The following CD163L1 variants were observed in gnomAD, a reference collection of about 807,000 sequenced individuals.
CD163L1 encodes scavenger receptor cysteine-rich type 1 protein M160.
A neutral mutation model predicts 165.4 loss-of-function variants in CD163L1; 124 were observed. That is an observed-to-expected ratio of 0.75 (90% CI 0.65 to 0.87). CD163L1 has a LOEUF of 0.87. Ranked by LOEUF, CD163L1 falls within the 40% of genes least tolerant of loss-of-function variation. The pLI, the probability that CD163L1 is intolerant of heterozygous loss-of-function variation, is 0.00. For missense variants in CD163L1, 1,525 were observed against 1,799.9 expected, an observed-to-expected ratio of 0.85 and a Z score of 2.76; for synonymous variants, 585 against 662.2, an observed-to-expected ratio of 0.88 and a Z score of 1.79.
At chr12:7,349,089 A>C (rs1342321805) in intron 4 of CD163L1, among the ~76,000 whole-genome samples, 1 of 152,210 alleles carries the variant, frequency 6.6e-6, no homozygotes, top group East Asian at 1.9e-4. Context: ...GAAATTGTGG[A>C]GAATTCAAGC....
rs145190922 is a variant in CD163L1, at chr12:7,403,690, C to A, written c.1253G>T (p.Gly418Val). 2.5e-6 allele frequency: 4 copies of A among 1,613,958 alleles called. No homozygotes were observed. The African/African-American group carries it at 5.3e-5, about 22-fold the overall frequency. Residue 418 changes from glycine to valine, a missense_variant, in exon 6 of 20, where the codon GGC (glycine) becomes GTC (valine). By Grantham distance (109) the Gly-to-Val change is moderately radical. Transcript: ENST00000313599. ...KQLGCPFSVFGSRRAKPSNEA... is the reference protein window; with the variant it reads ...KQLGCPFSVFVSRRAKPSNEA... ...ATTACTAGGTTTAGCACGACGACTGCCAAAGACGCTGAACGGACATCCTAG... is the reference window on the plus strand; with the variant it reads ...ATTACTAGGTTTAGCACGACGACTGACAAAGACGCTGAACGGACATCCTAG...
At chr12:7,438,181 T>C (rs182743339) in intron 2 of CD163L1, among the ~76,000 whole-genome samples, 168 of 152,286 alleles carry the variant, frequency 1.1e-3, no homozygotes, top group African/African-American at 3.7e-3. Flanking sequence ...CAGCTTTTCC[T>C]TCTTTAAAAT....
intron 4 of CD163L1, among the ~76,000 whole-genome samples, chr12:7,421,064 T>TGTATATATACGTATATATATAC (rs1565808878): frequency 1.1e-5 from 1 of 87,446 alleles, no homozygotes; most frequent in East Asian, 4.5e-4. Context: ...TACGTATATA[T>TGTATATATACGTATATATATAC]GTATATATAC....
chr12:7,373,568 T>G lies in CD163L1; in HGVS notation c.3482A>C (p.Asn1161Thr). The change falls in exon 14 of 20, where the codon AAC becomes ACC. Residue 1161 changes from asparagine to threonine, a missense_variant. Physicochemically the swap from Asn to Thr is moderately conservative, Grantham distance 65. Transcript: ENST00000313599. ...CCTGCCGACGCTGCCCCAGGTCCCG[T>G]TATAGAAGACTTCCAATCTCCCAGC... is the stretch of plus-strand genomic sequence containing the variant. The part of the protein sequence containing the change: ...SCAGRLEVFY[N>T]GTWGSVGRRN... 2 of 1,613,996 alleles carry G rather than the reference T, an allele frequency of 1.2e-6. No individual in the cohort carries two copies. The highest frequency in any genetic ancestry group is 1.7e-6 in the Non-Finnish European group (2 of 1,179,928).
chr12:7,435,089 TAC>T (rs76941329), intron 2 of CD163L1, among the ~76,000 whole-genome samples: 11,040 of 151,856 alleles, frequency 0.073, 738 homozygotes, highest in Admixed American at 0.22. Context: ...ATGTAGTTGA[TAC>T]ACACACACAC....
chr12:7,407,802 C>G (rs866753858), intron 4 of CD163L1, among the ~76,000 whole-genome samples: 2 of 150,470 alleles, frequency 1.3e-5, no homozygotes, highest in East Asian at 1.9e-4. Flanking sequence ...CACACACACA[C>G]ACACAGACAC....
At position 7,439,968 on chromosome 12, in the gene CD163L1, T is replaced by TGA. The variant is rs1046288417; in HGVS notation, c.124+1185_124+1186insTC. On this transcript the variant is annotated intron_variant, in intron 2 of 19. Coordinates refer to ENST00000313599, the MANE Select transcript of CD163L1 (RefSeq NM_174941.6). ...ACACAGGGGCTGCGGTCACACTCGC[T>TGA]CCCTCCGCAGCCTGCTCCATCCTAG... 10 of 1,564,824 alleles carry TGA rather than the reference T, an allele frequency of 6.4e-6. No homozygotes were observed. The African/African-American group carries it at 1.2e-4, about 19-fold the overall frequency.
chr12:7,405,282 T>TC (rs1396784779), intron 5 of CD163L1, among the ~76,000 whole-genome samples: 12 of 152,120 alleles, frequency 7.9e-5, no homozygotes, highest in African/African-American at 2.7e-4. Flanking sequence ...CTCTGTTTCC[T>TC]TCCCCCTTCT....
At chr12:7,364,378 C>G (rs940214729) in intron 18 of CD163L1, among the ~76,000 whole-genome samples, 4 of 152,066 alleles carry the variant, frequency 2.6e-5, no homozygotes, top group Admixed American at 6.6e-5. Context: ...AAATGTGCAA[C>G]AAGGCAAAGA....
At chr12:7,422,072 G>A (rs765518285) in intron 4 of CD163L1, among the ~76,000 whole-genome samples, 25 of 152,208 alleles carry the variant, frequency 1.6e-4, no homozygotes, top group Non-Finnish European at 3.5e-4. Context: ...TGCCCTCTGG[G>A]ACAAAGCTTC....
chr12:7,386,471 A>C (rs1281639297), intron 8 of CD163L1, among the ~76,000 whole-genome samples: 1 of 152,062 alleles, frequency 6.6e-6, no homozygotes, highest in East Asian at 1.9e-4. Flanking sequence ...TCATCCTAGG[A>C]GGCCAGTATT....
chr12:7,441,378 C>T, intron 1 of CD163L1, 132 bp from the exon 2 acceptor site: 2 of 643,584 alleles, frequency 3.1e-6, no homozygotes. Flanking sequence ...AAGGATACCG[C>T]ACAAGAAAGT....
intron 8 of CD163L1, among the ~76,000 whole-genome samples, chr12:7,385,075 C>T (rs1205399033): frequency 6.6e-6 from 1 of 151,284 alleles, no homozygotes; most frequent in Admixed American, 6.6e-5. Context: ...TTAAAAAAAA[C>T]AATGACCCAA....
At chr12:7,442,503 G>A (rs1948844287) in intron 1 of CD163L1, among the ~76,000 whole-genome samples, 1 of 150,736 alleles carries the variant, frequency 6.6e-6, no homozygotes, top group Non-Finnish European at 1.5e-5. Context: ...CCATAGAGGA[G>A]ACTTTATTAT....
chr12:7,438,631 C>G (rs1458705660), intron 2 of CD163L1: 1 of 476,908 alleles, frequency 2.1e-6, no homozygotes, highest in Non-Finnish European at 3.7e-6. Context: ...AAGAGATAAG[C>G]TGCAGTGTCC....
In CD163L1 at chr12:7,439,275, C is replaced by T. The variant is rs760172864; in HGVS notation, c.124+1879G>A. On this transcript the variant is annotated intron_variant, in intron 2 of 19. Coordinates refer to ENST00000313599, the MANE Select transcript of CD163L1 (RefSeq NM_174941.6). ...TTTCTTTGGGATCTTCTCTTGTTTT[C>T]GTCTTTAAATCTCTTATTTCACCCT... is the stretch of plus-strand genomic sequence containing the variant. 23 of 1,546,538 alleles carry T rather than the reference C, an allele frequency of 1.5e-5. No individual in the cohort carries two copies. The African/African-American group carries it at 2.2e-4, about 15-fold the overall frequency.
intron 4 of CD163L1, among the ~76,000 whole-genome samples, chr12:7,421,413 G>GTA (rs1264526181): frequency 1.5e-5 from 1 of 64,612 alleles, no homozygotes; most frequent in Admixed American, 1.9e-4. Flanking sequence ...TCTTCCAAAT[G>GTA]TATATATACA....
Position 7,372,358 on chromosome 12 carries a change from C to T in CD163L1, c.3730+962G>A, listed in dbSNP as rs745784396. ...AAAATGTTCACTCATTTTACCCACTCATTTTGGGACTAGAAATATAACCTT... is the reference window on the plus strand; with the variant it reads ...AAAATGTTCACTCATTTTACCCACTTATTTTGGGACTAGAAATATAACCTT... On this transcript the variant is annotated intron_variant, in intron 14 of 19. Transcript: ENST00000313599. This position sits in a 1 kb window ranked among gnomAD's most constrained non-coding sequence, Gnocchi z 4.2. Among the ~76,000 whole-genome samples the T allele has an allele frequency of 9.9e-5, 15 of 152,152 alleles. 1 individual carries two copies. The South Asian group carries it at 3.1e-3, about 32-fold the overall frequency.
rs1224773798 is a variant in CD163L1, at chr12:7,368,320, T to C, written c.4073-123A>G. ...AATAATGGCTATACATTTCAACATA[T>C]TCATGAACAGTACGTAATCTTTGAG... is the stretch of plus-strand genomic sequence containing the variant. On this transcript the variant is annotated intron_variant, in intron 16 of 19. Coordinates refer to ENST00000313599, the MANE Select transcript of CD163L1 (RefSeq NM_174941.6). This position sits in a 1 kb window ranked among gnomAD's most constrained non-coding sequence, Gnocchi z 4.3. 2.8e-5 allele frequency: 16 copies of C among 572,508 alleles called. No individual in the cohort carries two copies. The East Asian group carries it at 3.2e-4, about 11-fold the overall frequency. 35.5% of individuals were successfully genotyped at this position (572,508 alleles called of 1,614,324 possible).
Sources: allele counts gnomAD v4.1 joint callset (sites outside exome capture counted in the v4.1 genomes callset), GRCh38; gene constraint gnomAD v4.1.1; non-coding constraint Gnocchi (gnomAD v3.1); transcripts MANE v1.5; gene names NCBI Gene and HGNC (gene_info 2026-07-23, HGNC 2026-07-21).